The following LRBA variants were observed in gnomAD, a reference collection of about 807,000 sequenced individuals.
LRBA encodes lipopolysaccharide-responsive and beige-like anchor protein.
LRBA carries 176 observed loss-of-function variants against 330.0 expected under a neutral mutation model. The observed-to-expected ratio is 0.53, with a 90% CI of 0.47 to 0.60. The LOEUF is 0.60. Among genes scored for constraint, LRBA ranks in the 20% least tolerant of loss-of-function variants. The pLI is 0.00. For missense variants in LRBA, 3,259 were observed against 3,444.8 expected, an observed-to-expected ratio of 0.95 and a Z score of 1.35; for synonymous variants, 1,230 against 1,193.0, an observed-to-expected ratio of 1.03 and a Z score of -0.64.
intron 37 of LRBA, among the ~76,000 whole-genome samples, chr4:150,608,120 A>G (rs1774854481): frequency 6.6e-6 from 1 of 152,116 alleles, no homozygotes; most frequent in Admixed American, 6.6e-5. Context: ...CAGAGGTGGG[A>G]GCGTCACCTG....
chr4:150,319,347 T>A (rs931608521), intron 50 of LRBA, among the ~76,000 whole-genome samples: 5 of 152,060 alleles, frequency 3.3e-5, no homozygotes, highest in Non-Finnish European at 5.9e-5. Flanking sequence ...AGGATAAGCA[T>A]CATCATTGGT....
chr4:150,786,550 T>A (rs905567309), intron 34 of LRBA, among the ~76,000 whole-genome samples: 12 of 151,998 alleles, frequency 7.9e-5, no homozygotes, highest in Non-Finnish European at 1.6e-4. Context: ...GGCCTAGACT[T>A]TTGTATTTCT....
intron 31 of LRBA, among the ~76,000 whole-genome samples, chr4:150,815,921 G>A (rs894141585): frequency 2.0e-5 from 3 of 151,748 alleles, no homozygotes; most frequent in Admixed American, 2.0e-4. Flanking sequence ...TATAAAATTT[G>A]TAAAAAAATT....
chr4:150,845,818 C>G (rs996665845), intron 26 of LRBA, among the ~76,000 whole-genome samples: 1 of 152,184 alleles, frequency 6.6e-6, no homozygotes, highest in Non-Finnish European at 1.5e-5. Context: ...TTTACTTTAT[C>G]AAATTTGCTA....
At chr4:150,683,451 C>T in intron 37 of LRBA, 100 bp downstream of exon 37, 1 of 907,592 alleles carries the variant, frequency 1.1e-6, no homozygotes. Flanking sequence ...AATTAAATTA[C>T]TCTCTTCTTC....
chr4:150,459,093 A>G (rs962612579), intron 44 of LRBA, among the ~76,000 whole-genome samples: 1 of 151,922 alleles, frequency 6.6e-6, no homozygotes, highest in Non-Finnish European at 1.5e-5. Flanking sequence ...GAATATGTCC[A>G]AAGAGTAATA....
chr4:150,985,395 T>C (rs192166692), intron 2 of LRBA, among the ~76,000 whole-genome samples: 1 of 152,028 alleles, frequency 6.6e-6, no homozygotes, highest in African/African-American at 2.4e-5. Flanking sequence ...TAGTTCAGTC[T>C]ATGTAAATTG....
At chr4:150,319,565 T>G (rs1732204808) in intron 50 of LRBA, among the ~76,000 whole-genome samples, 2 of 152,228 alleles carry the variant, frequency 1.3e-5, no homozygotes, top group Non-Finnish European at 2.9e-5. Context: ...TATTTACTTC[T>G]GTAAGAGAAG....
At chr4:150,902,279 G>C (rs1051232108) in intron 13 of LRBA, among the ~76,000 whole-genome samples, 2 of 152,084 alleles carry the variant, frequency 1.3e-5, no homozygotes, top group African/African-American at 4.8e-5. Context: ...TTTCAAGCTA[G>C]AAAAATGATG....
intron 35 of LRBA, among the ~76,000 whole-genome samples, chr4:150,746,942 T>C (rs1274303484): frequency 6.6e-6 from 1 of 152,208 alleles, no homozygotes; most frequent in Non-Finnish European, 1.5e-5. Flanking sequence ...TTCTTGCCCA[T>C]TCTTCACTGG....
intron 22 of LRBA, among the ~76,000 whole-genome samples, chr4:150,855,061 C>T (rs767873050): frequency 1.6e-4 from 24 of 152,122 alleles, no homozygotes; most frequent in Non-Finnish European, 3.1e-4. Flanking sequence ...AGTTTGAGAT[C>T]AGCCTGGCCA....
chr4:150,428,781 G>T (rs1749976207), intron 46 of LRBA, among the ~76,000 whole-genome samples: 2 of 151,968 alleles, frequency 1.3e-5, no homozygotes, highest in Admixed American at 1.3e-4. Flanking sequence ...GTTACCAAAG[G>T]CCTTCATATT....
chr4:150,962,442 C>CG (rs1181613678), intron 2 of LRBA, among the ~76,000 whole-genome samples: 1 of 149,190 alleles, frequency 6.7e-6, no homozygotes, highest in East Asian at 1.9e-4. Context: ...CACTTGAGCC[C>CG]GGGAAGTCCC....
intron 40 of LRBA, among the ~76,000 whole-genome samples, chr4:150,503,983 A>C (rs1036235129): frequency 2.6e-5 from 4 of 152,246 alleles, no homozygotes; most frequent in Admixed American, 2.0e-4. Flanking sequence ...ACTGGAAGAA[A>C]GGGTATCAGT....
At chr4:150,977,008 G>C (rs1561082297) in intron 2 of LRBA, among the ~76,000 whole-genome samples, 1 of 152,192 alleles carries the variant, frequency 6.6e-6, no homozygotes, top group African/African-American at 2.4e-5. Context: ...AGTGCTTGGG[G>C]CCTCTAAATA....
intron 44 of LRBA, among the ~76,000 whole-genome samples, chr4:150,441,073 C>G (rs1378122560): frequency 6.6e-6 from 1 of 151,806 alleles, no homozygotes; most frequent in Non-Finnish European, 1.5e-5. Context: ...AACAAAATCC[C>G]TGCATATAAA....
In LRBA at chr4:150,415,307, T is replaced by C. The variant is rs1747577287; in HGVS notation, c.7194+131A>G. The C allele has an allele frequency of 1.8e-5, 11 of 610,806 alleles. No individual in the cohort carries two copies. In the South Asian group the frequency reaches 3.3e-4, roughly 18 times the overall value. The allele number at this position is 610,806 out of a possible 1,614,324, so 37.8% of individuals were successfully genotyped here. On this transcript the variant is annotated intron_variant, in intron 47 of 56. Transcript: ENST00000651943. The stretch of plus-strand genomic sequence containing the variant: ...ATATACAAGGATTCTTGAGCTATTA[T>C]GTCACTTTCAGTTAGTCCTATCACC...
intron 40 of LRBA, among the ~76,000 whole-genome samples, chr4:150,568,010 C>G (rs996812745): frequency 6.6e-6 from 1 of 152,002 alleles, no homozygotes; most frequent in Admixed American, 6.6e-5. Flanking sequence ...AGCATCAGTT[C>G]AAAGAGAGCA....
intron 41 of LRBA, among the ~76,000 whole-genome samples, chr4:150,489,996 C>CT (rs2152102236): frequency 1.3e-5 from 2 of 151,296 alleles, no homozygotes; most frequent in East Asian, 3.9e-4. Context: ...AATAAATATT[C>CT]TAAGATTGAA....
Sources: gnomAD v4.1 joint callset for allele counts (sites outside exome capture counted in the v4.1 genomes callset) on GRCh38, gnomAD v4.1.1 for gene constraint, MANE v1.5 for transcripts, NCBI Gene and HGNC (gene_info 2026-07-23, HGNC 2026-07-21) for gene names.